APC: variants seen among roughly 807,000 people sequenced by gnomAD.
APC encodes the protein adenomatous polyposis coli protein.
APC carries 72 observed loss-of-function variants against 247.0 expected under a neutral mutation model. The ratio of observed to expected loss-of-function variants is 0.29; its 90% CI spans 0.24 to 0.35. The LOEUF (loss-of-function observed/expected upper bound fraction) is 0.35. Ranked by LOEUF, APC falls within the 10% of genes least tolerant of loss-of-function variation. The pLI is 1.00. For synonymous variants in APC, 1,254 were observed against 1,162.5 expected (o/e 1.08, Z -1.60); for missense variants, 3,400 against 3,360.7 (o/e 1.01, Z -0.29).
At chr5:112,783,781 AAAAG>A (rs1213552872) in intron 6 of APC, 6 of 393,916 alleles carry the variant, frequency 1.5e-5, no homozygotes, top group East Asian at 7.5e-5. Flanking sequence ...AAAAAAAAAA[AAAAG>A]AGAAAGAAAG....
chr5:112,812,099 C>T (rs1029520393), intron 8 of APC, among the ~76,000 whole-genome samples: 1 of 152,164 alleles, frequency 6.6e-6, no homozygotes, highest in African/African-American at 2.4e-5. Context: ...ATGGAAGACA[C>T]GTCTTTGTAA....
chr5:112,808,282 T>C (rs544032329), intron 8 of APC, among the ~76,000 whole-genome samples: 8 of 152,260 alleles, frequency 5.3e-5, no homozygotes, highest in Admixed American at 2.6e-4. Context: ...GTTTCATAAA[T>C]GTCTTTTTCA....
chr5:112,775,590 A>G (rs2149613864), intron 4 of APC, 39 bp from the exon 5 acceptor site: 1 of 1,250,348 alleles, frequency 8.0e-7, no homozygotes, highest in Non-Finnish European at 1.2e-6. Flanking sequence ...CTTTATTAGC[A>G]TTGTTTAAAC....
At chr5:112,763,435 G>A (rs191063890) in intron 2 of APC, among the ~76,000 whole-genome samples, 19 of 151,600 alleles carry the variant, frequency 1.3e-4, no homozygotes, top group African/African-American at 4.6e-4. Flanking sequence ...GTATTCCATT[G>A]TAGGTACAGC....
intron 11 of APC, among the ~76,000 whole-genome samples, chr5:112,824,416 A>G (rs1763439253): frequency 6.6e-6 from 1 of 152,150 alleles, no homozygotes; most frequent in Non-Finnish European, 1.5e-5. Context: ...ATCAAAAAGC[A>G]CTTCCTCTTT....
In APC at chr5:112,842,704, TAGAC is replaced by T; in HGVS notation, c.7114_7117del (p.Gln2372Ter). ...GAAAAATGTCATATACATCTCCAGG[TAGAC>T]AGATGAGCCAACAGAACCTTACCAA... On this transcript the variant is annotated frameshift_variant, in exon 16 of 16. Transcript: ENST00000257430. LOFTEE classifies it high-confidence loss of function. 1.2e-6 allele frequency: 2 copies of T among 1,613,482 alleles called. No individual in the cohort carries two copies. The highest frequency in any genetic ancestry group is 1.7e-6 in the Non-Finnish European group (2 of 1,179,478).
chr5:112,842,879 T>C lies in APC; in HGVS notation c.7285T>C (p.Ser2429Pro), dbSNP rs780608768. 1.9e-6 allele frequency: 3 copies of C among 1,614,034 alleles called. No homozygotes were observed. In the South Asian group the frequency reaches 3.3e-5, roughly 18 times the overall value. The change falls in exon 16 of 16, where the codon TCT becomes CCT. Residue 2429 changes from serine to proline, a missense_variant. This residue lies in a region of APC where 1,788 missense variants were observed against 1,649.5 expected (regional missense o/e 1.08). Transcript: ENST00000257430. The stretch of plus-strand genomic sequence containing the variant: ...TTCAACTAAATCAAGTGGAAGTGAA[T>C]CTGATAGATCAGAAAGACCTGTATT... ...MSSTKSSGSE[S>P]DRSERPVLVR...
In APC at chr5:112,766,390, A is replaced by ATT; in HGVS notation, c.202_203dup (p.Leu68PhefsTer3). 6.2e-7 allele frequency: 1 copy of ATT among 1,611,250 alleles called. No homozygotes were observed. Among genetic ancestry groups the ATT allele is most frequent in the Non-Finnish European group, 8.5e-7 (1 of 1,177,606 alleles). On this transcript the variant is annotated frameshift_variant, in exon 3 of 16. Coordinates refer to ENST00000257430, the MANE Select transcript of APC (RefSeq NM_000038.6). LOFTEE classifies it high-confidence loss of function. ...GCTATGGCTTCTTCTGGACAGATTG[A>ATT]TTTATTAGAGCGTCTTAAAGGTAGA...
intron 8 of APC, among the ~76,000 whole-genome samples, chr5:112,814,419 T>A (rs1415219895): frequency 6.6e-6 from 1 of 152,148 alleles, no homozygotes; most frequent in East Asian, 1.9e-4. Context: ...ATTACGAGCA[T>A]CATTACTTAC....
intron 1 of APC, among the ~76,000 whole-genome samples, chr5:112,732,126 T>C (rs769141474): frequency 2.6e-5 from 4 of 152,242 alleles, no homozygotes; most frequent in Non-Finnish European, 4.4e-5. Context: ...CCAGTACTTA[T>C]GCAAGATACC....
At chr5:112,820,601 C>A (rs1265323313) in intron 10 of APC, among the ~76,000 whole-genome samples, 1 of 152,150 alleles carries the variant, frequency 6.6e-6, no homozygotes, top group Non-Finnish European at 1.5e-5. Flanking sequence ...TGGATTGTTT[C>A]TTTGGCTATC....
chr5:112,786,613 T>TG (rs781314178), intron 6 of APC, among the ~76,000 whole-genome samples: 2 of 152,164 alleles, frequency 1.3e-5, no homozygotes, highest in Non-Finnish European at 2.9e-5. Flanking sequence ...GATGATACTG[T>TG]TTAATGTAGT....
chr5:112,763,134 T>A (rs1399984029), intron 2 of APC, among the ~76,000 whole-genome samples: 1 of 152,226 alleles, frequency 6.6e-6, no homozygotes, highest in South Asian at 2.1e-4. Context: ...TCAATAGATT[T>A]CTAACAATGT....
chr5:112,721,495 T>A (rs1395655195), intron 1 of APC, among the ~76,000 whole-genome samples: 5 of 152,174 alleles, frequency 3.3e-5, no homozygotes. Flanking sequence ...ATGACGCAGT[T>A]ATTGATGATG....
In APC at chr5:112,841,705, C is replaced by A. The variant is rs539129345; in HGVS notation, c.6111C>A (p.Asp2037Glu). 1 of 1,613,612 alleles carries A rather than the reference C, an allele frequency of 6.2e-7. No individual in the cohort carries two copies. The highest frequency in any genetic ancestry group is 1.3e-5 in the African/African-American group (1 of 74,898). ...CTCTTAGTATTGACTCTGAAGATGACCTGTTGCAGGAATGTATAAGCTCCG... is the reference window on the plus strand; with the variant it reads ...CTCTTAGTATTGACTCTGAAGATGAACTGTTGCAGGAATGTATAAGCTCCG... Reference protein sequence around the residue: ...LSSLSIDSEDDLLQECISSAM... With the variant: ...LSSLSIDSEDELLQECISSAM... The change falls in exon 16 of 16, where the codon GAC becomes GAA. Residue 2037 changes from aspartate to glutamate, a missense_variant. This residue lies in a region of APC where 1,788 missense variants were observed against 1,649.5 expected (regional missense o/e 1.08). Transcript: ENST00000257430. This position sits in a 1 kb window ranked among gnomAD's most constrained non-coding sequence, Gnocchi z 4.6.
At chr5:112,765,166 G>A (rs1332040398) in intron 2 of APC, among the ~76,000 whole-genome samples, 3 of 152,156 alleles carry the variant, frequency 2.0e-5, no homozygotes, top group Non-Finnish European at 2.9e-5. Context: ...GTGCAGTGGT[G>A]AGACTGTGGC....
At chr5:112,760,007 G>T (rs1282174042) in intron 2 of APC, among the ~76,000 whole-genome samples, 1 of 152,130 alleles carries the variant, frequency 6.6e-6, no homozygotes, top group East Asian at 1.9e-4. Context: ...AAGGACACTG[G>T]AGGACTGTGG....
At chr5:112,827,795 A>AT (rs1763853981) in intron 12 of APC, 134 bp from the exon 13 acceptor site, 3 of 717,878 alleles carry the variant, frequency 4.2e-6, no homozygotes, top group South Asian at 1.7e-5. Context: ...CTTATTCTAG[A>AT]TTTTTTATGA....
In APC at chr5:112,792,581, GAGAAA is replaced by G. The variant is rs749579361; in HGVS notation, c.729+59_729+63del. 3.0e-6 allele frequency: 4 copies of G among 1,324,376 alleles called. No individual in the cohort carries two copies. In the East Asian group the frequency reaches 9.4e-5, roughly 31 times the overall value. 82.0% of individuals were successfully genotyped at this position (1,324,376 alleles called of 1,614,324 possible). A position where few individuals can be genotyped will look rare whatever the true frequency, so the allele number is the denominator to read the frequency against. On this transcript the variant is annotated intron_variant, in intron 7 of 15. Transcript: ENST00000257430. The stretch of plus-strand genomic sequence containing the variant: ...GGGTATAAAAATAGGTAGTTATTCT[GAGAAA>G]AGAAAACATGTATAATTTAATGTGA...
Sources: gnomAD v4.1 joint callset for allele counts (sites outside exome capture counted in the v4.1 genomes callset) on GRCh38, gnomAD v4.1.1 for gene constraint, gnomAD v4.1.1 regional missense constraint, Gnocchi (gnomAD v3.1) non-coding constraint, MANE v1.5 for transcripts, NCBI Gene and HGNC (gene_info 2026-07-23, HGNC 2026-07-21) for gene names.